SRGAP1: variants seen among roughly 807,000 people sequenced by gnomAD.
SRGAP1 encodes SLIT-ROBO Rho GTPase activating protein 1.
A neutral mutation model predicts 121.9 loss-of-function variants in SRGAP1; 43 were observed. The ratio of observed to expected loss-of-function variants is 0.35; its 90% CI spans 0.28 to 0.46. The LOEUF is 0.46. SRGAP1 is among the 20% of genes least tolerant of loss of function. The pLI is 1.00. For synonymous variants in SRGAP1, 447 were observed against 485.4 expected, an observed-to-expected ratio of 0.92 and a Z score of 1.04; for missense variants, 1,102 against 1,350.9, an observed-to-expected ratio of 0.82 and a Z score of 2.89.
intron 1 of SRGAP1, among the ~76,000 whole-genome samples, chr12:63,913,413 T>C (rs1476808083): frequency 2.8e-5 from 4 of 143,790 alleles, no homozygotes; most frequent in Admixed American, 2.1e-4. Flanking sequence ...CACCTTGGCC[T>C]CCCAAGGTGC....
chr12:63,864,251 A>G (rs992353272), intron 1 of SRGAP1, among the ~76,000 whole-genome samples: 3 of 152,208 alleles, frequency 2.0e-5, no homozygotes, highest in Non-Finnish European at 2.9e-5. Flanking sequence ...TACGTTGTGA[A>G]ATAATGTACA....
At chr12:63,853,916 CAAATT>C (rs1899155829) in intron 1 of SRGAP1, among the ~76,000 whole-genome samples, 2 of 152,302 alleles carry the variant, frequency 1.3e-5, no homozygotes, top group Admixed American at 1.3e-4. Flanking sequence ...ATGGGACAAC[CAAATT>C]TCTCATTTGT....
rs1248303469 is a variant in SRGAP1 at position 64,118,732 on chromosome 12, T to TATTTA, written c.2224+2840_2224+2844dup. Among the ~76,000 whole-genome samples, 18 of 152,084 alleles carry TATTTA rather than the reference T, an allele frequency of 1.2e-4. No individual in the cohort carries two copies. The East Asian group carries it at 3.3e-3, about 28-fold the overall frequency. On this transcript the variant is annotated intron_variant, in intron 18 of 21. Transcript: ENST00000355086. ...TGCCTTATTTATTTATTTATTTATT[T>TATTTA]ATTTATTTAGAGATGGAGTCTGTCT... is the stretch of plus-strand genomic sequence containing the variant.
chr12:64,060,320 A>C (rs540332539), intron 6 of SRGAP1, among the ~76,000 whole-genome samples: 1 of 151,384 alleles, frequency 6.6e-6, no homozygotes, highest in South Asian at 2.1e-4. Context: ...TGATACCCCA[A>C]TCTCAACCTC....
rs1056160040 is a variant in SRGAP1 at position 64,151,074 on chromosome 12, G to T, written c.*8402G>T. On this transcript the variant is annotated 3_prime_UTR_variant, in exon 22 of 22. Coordinates refer to ENST00000355086, the MANE Select transcript of SRGAP1 (RefSeq NM_020762.4). ...AGATGCATTAGGAAAAGAAGGAAAA[G>T]AAATTTTAAGTAAGCCAAAAATCTA... 2 of 147,978 alleles carry T rather than the reference G, an allele frequency of 1.4e-5. No homozygotes were observed. Among genetic ancestry groups the T allele is most frequent in the Non-Finnish European group, 3.0e-5 (2 of 67,190 alleles). The allele number at this position is 147,978 out of a possible 1,614,324, so 9.2% of individuals were successfully genotyped here.
At chr12:64,061,631 A>G (rs1006079992) in intron 6 of SRGAP1, among the ~76,000 whole-genome samples, 1 of 152,130 alleles carries the variant, frequency 6.6e-6, no homozygotes. Flanking sequence ...CATCACCACA[A>G]TCAATTTTAG....
chr12:64,014,178 G>A (rs1395288868), intron 3 of SRGAP1, among the ~76,000 whole-genome samples: 1 of 152,114 alleles, frequency 6.6e-6, no homozygotes, highest in Non-Finnish European at 1.5e-5. Flanking sequence ...TGAGGCATAG[G>A]CAGATCCAAA....
At chr12:64,031,062 A>C (rs7960676) in intron 4 of SRGAP1, among the ~76,000 whole-genome samples, 37 of 152,286 alleles carry the variant, frequency 2.4e-4, no homozygotes, top group African/African-American at 8.9e-4. Context: ...TCATGCCTGT[A>C]ATCCCAGCAC....
chr12:63,986,229 C>G (rs1169936034), intron 2 of SRGAP1, among the ~76,000 whole-genome samples: 1 of 151,292 alleles, frequency 6.6e-6, no homozygotes, highest in African/African-American at 2.4e-5. Flanking sequence ...AATCTCTCAA[C>G]TTTAACCTTT....
chr12:63,917,755 CCTG>C (rs1483807852), intron 1 of SRGAP1, among the ~76,000 whole-genome samples: 2 of 150,424 alleles, frequency 1.3e-5, no homozygotes, highest in African/African-American at 5.0e-5. Flanking sequence ...TTATAATGAA[CCTG>C]CTTTCTGTAA....
At chr12:63,906,438 C>G (rs538482253) in intron 1 of SRGAP1, among the ~76,000 whole-genome samples, 22 of 152,150 alleles carry the variant, frequency 1.4e-4, no homozygotes, top group Admixed American at 1.4e-3. Flanking sequence ...CCTCAGCCTC[C>G]CGAGTAGCTG....
chr12:64,021,884 C>T (rs1244784865), intron 4 of SRGAP1, among the ~76,000 whole-genome samples: 1 of 152,196 alleles, frequency 6.6e-6, no homozygotes. Context: ...GATCCCCAGA[C>T]TCCCTTTCTC....
chr12:63,919,947 C>G (rs911223974), intron 1 of SRGAP1, among the ~76,000 whole-genome samples: 17 of 152,186 alleles, frequency 1.1e-4, no homozygotes, highest in African/African-American at 4.1e-4. Context: ...GCTATTTGAA[C>G]AATGTTGCTG....
intron 1 of SRGAP1, among the ~76,000 whole-genome samples, chr12:63,863,094 A>G (rs1899509466): frequency 6.6e-6 from 1 of 152,152 alleles, no homozygotes; most frequent in East Asian, 1.9e-4. Context: ...TTCATGACAG[A>G]CAGTGGAGAC....
intron 21 of SRGAP1, among the ~76,000 whole-genome samples, chr12:64,136,460 C>A (rs2036857825): frequency 6.6e-6 from 1 of 152,070 alleles, no homozygotes; most frequent in African/African-American, 2.4e-5. Flanking sequence ...CCAGCTATCA[C>A]TGAAGTTTAA....
intron 1 of SRGAP1, among the ~76,000 whole-genome samples, chr12:63,919,748 T>A (rs1401312282): frequency 6.6e-6 from 1 of 152,208 alleles, no homozygotes; most frequent in Admixed American, 6.5e-5. Flanking sequence ...AAAAATATGC[T>A]CATAAGTACT....
In SRGAP1 at chr12:63,926,671, C is replaced by T. The variant is rs577907834; in HGVS notation, c.68-57276C>T. Among the ~76,000 whole-genome samples, 7 of 152,178 alleles carry T rather than the reference C, an allele frequency of 4.6e-5. No homozygotes were observed. The South Asian group carries it at 1.2e-3, about 27-fold the overall frequency. ...AATAAAGTTAATTAACATATCACCT[C>T]GATTACCTATCATTTTTTATGGTGA... On this transcript the variant is annotated intron_variant, in intron 1 of 21. Coordinates refer to ENST00000355086, the MANE Select transcript of SRGAP1 (RefSeq NM_020762.4).
intron 1 of SRGAP1, among the ~76,000 whole-genome samples, chr12:63,938,107 G>C (rs918268538): frequency 2.4e-4 from 36 of 152,240 alleles, no homozygotes; most frequent in African/African-American, 8.2e-4. Flanking sequence ...AGCATCCAAA[G>C]CTGGTCATGT....
intron 6 of SRGAP1, among the ~76,000 whole-genome samples, 170 bp from the exon 7 acceptor site, chr12:64,062,747 C>A (rs1336099257): frequency 7.2e-5 from 11 of 152,112 alleles, no homozygotes; most frequent in Non-Finnish European, 1.6e-4. Context: ...ATTTTTTCAT[C>A]TGTTGCTTGT....
Sources: allele counts gnomAD v4.1 joint callset (sites outside exome capture counted in the v4.1 genomes callset), GRCh38; gene constraint gnomAD v4.1.1; transcripts MANE v1.5; gene names NCBI Gene and HGNC (gene_info 2026-07-23, HGNC 2026-07-21).